NELL1: variants seen among roughly 807,000 people sequenced by gnomAD.
NELL1 encodes the protein protein kinase C-binding protein NELL1.
NELL1 carries 76 observed loss-of-function variants against 107.4 expected under a neutral mutation model. The ratio of observed to expected loss-of-function variants is 0.71; its 90% confidence interval spans 0.59 to 0.86. The LOEUF (loss-of-function observed/expected upper bound fraction) is 0.86, where lower values mean the gene tolerates loss of function less well. NELL1 is among the 40% of genes least tolerant of loss of function. NELL1 has a pLI of 0.00. For missense variants in NELL1, 1,024 were observed against 1,005.5 expected (o/e 1.02, Z -0.25); for synonymous variants, 353 against 341.2 (o/e 1.03, Z -0.38).
intron 2 of NELL1, among the ~76,000 whole-genome samples, chr11:20,737,612 A>G (rs973031411): frequency 6.6e-6 from 1 of 152,110 alleles, no homozygotes; most frequent in Non-Finnish European, 1.5e-5. Flanking sequence ...GTGCCTGCAG[A>G]GAGATTAGCA....
chr11:21,458,765 G>T (rs897182805), intron 15 of NELL1, among the ~76,000 whole-genome samples: 6 of 152,048 alleles, frequency 3.9e-5, no homozygotes, highest in Non-Finnish European at 8.8e-5. Flanking sequence ...GTGATCGAAG[G>T]GTTAGTTTTA....
At chr11:20,866,355 C>T (rs2134081590) in intron 4 of NELL1, among the ~76,000 whole-genome samples, 1 of 152,284 alleles carries the variant, frequency 6.6e-6, no homozygotes, top group Non-Finnish European at 1.5e-5. Flanking sequence ...CCCACAGGTC[C>T]AACTCATCTG....
intron 2 of NELL1, among the ~76,000 whole-genome samples, chr11:20,753,509 T>G (rs1856191187): frequency 6.6e-6 from 1 of 152,214 alleles, no homozygotes; most frequent in Non-Finnish European, 1.5e-5. Flanking sequence ...TTAATCACAT[T>G]TGAGTCTAGC....
At chr11:20,976,579 A>T (rs570551718) in intron 12 of NELL1, among the ~76,000 whole-genome samples, 1 of 152,234 alleles carries the variant, frequency 6.6e-6, no homozygotes, top group Non-Finnish European at 1.5e-5. Flanking sequence ...AACATTTTAC[A>T]TACCAGATAT....
Position 20,669,715 on chromosome 11 carries a change from T to A in NELL1, c.-9T>A, listed in dbSNP as rs780568210. 19 of 1,613,114 alleles carry A rather than the reference T, an allele frequency of 1.2e-5. No individual in the cohort carries two copies. The highest frequency in any genetic ancestry group is 1.6e-5 in the Non-Finnish European group (19 of 1,179,442). ...GGTGCCCCCTGCTAGGCGGGGACCC[T>A]CGAGAGCGATGCCGATGGATTTGAT... On this transcript the variant is annotated 5_prime_UTR_variant, in exon 1 of 20. Coordinates refer to ENST00000357134, the MANE Select transcript of NELL1 (RefSeq NM_006157.5). This position sits in a 1 kb window ranked among gnomAD's most constrained non-coding sequence, Gnocchi z 4.4.
chr11:21,489,391 A>AC, intron 15 of NELL1, among the ~76,000 whole-genome samples: 1 of 139,208 alleles, frequency 7.2e-6, no homozygotes, highest in African/African-American at 2.7e-5. Flanking sequence ...AAAAAAAAAA[A>AC]AAAAAAAAAA....
intron 15 of NELL1, among the ~76,000 whole-genome samples, chr11:21,442,966 T>G (rs917320453): frequency 2.6e-5 from 3 of 115,088 alleles, no homozygotes; most frequent in African/African-American, 7.2e-5. Context: ...TTTTTTTTTT[T>G]GCATTCATTC....
chr11:20,836,768 C>T (rs1457275497), intron 3 of NELL1, among the ~76,000 whole-genome samples: 4 of 151,442 alleles, frequency 2.6e-5, no homozygotes, highest in South Asian at 4.2e-4. Context: ...AAAAAGATAA[C>T]AAACAGATTA....
At chr11:20,730,488 A>G (rs759818114) in intron 2 of NELL1, among the ~76,000 whole-genome samples, 5 of 152,196 alleles carry the variant, frequency 3.3e-5, no homozygotes, top group Admixed American at 6.5e-5. Flanking sequence ...GAGAAAGCCA[A>G]TACCCAGAGA....
In NELL1 at chr11:21,169,882, A is replaced by T. The variant is rs1229861123; in HGVS notation, c.1426+56168A>T. 16 of 1,416,626 alleles carry T rather than the reference A, an allele frequency of 1.1e-5. No homozygotes were observed. In the South Asian group the frequency reaches 1.5e-4, roughly 13 times the overall value. 87.8% of individuals were successfully genotyped at this position (1,416,626 alleles called of 1,614,324 possible). On this transcript the variant is annotated intron_variant, in intron 13 of 19. Coordinates refer to ENST00000357134, the MANE Select transcript of NELL1 (RefSeq NM_006157.5). ...AGGAAGAGTTGCCATGTCACCCAGC[A>T]CTGGCAGATGTCCCCAGGTCGTCCA...
chr11:21,249,535 C>T (rs553912973), intron 14 of NELL1, among the ~76,000 whole-genome samples: 1 of 151,376 alleles, frequency 6.6e-6, no homozygotes, highest in African/African-American at 2.4e-5. Flanking sequence ...AACATTTTGT[C>T]TTTTTAAACT....
chr11:20,788,896 TTTTGA>T (rs1356060129), intron 3 of NELL1, among the ~76,000 whole-genome samples: 1 of 152,200 alleles, frequency 6.6e-6, no homozygotes, highest in Non-Finnish European at 1.5e-5. Context: ...CTTAGATGTA[TTTTGA>T]GTTAGTTTTT....
At chr11:21,341,381 T>C (rs12222505) in intron 14 of NELL1, among the ~76,000 whole-genome samples, 29,932 of 152,168 alleles carry the variant, frequency 0.2, 3,233 homozygotes, top group Middle Eastern at 0.32. Context: ...AGAGTTCATA[T>C]TTGGCGTATT....
intron 16 of NELL1, among the ~76,000 whole-genome samples, chr11:21,554,533 A>G (rs545826470): frequency 2.0e-5 from 3 of 151,854 alleles, no homozygotes; most frequent in Non-Finnish European, 4.4e-5. Context: ...ATTTGAGTAT[A>G]TTTGAGTATC....
chr11:20,774,723 G>A (rs1378991888), intron 2 of NELL1, among the ~76,000 whole-genome samples: 5 of 152,118 alleles, frequency 3.3e-5, no homozygotes, highest in Non-Finnish European at 5.9e-5. Context: ...ATAAATGAGC[G>A]GATGGGTGGT....
chr11:20,708,443 G>A (rs1212995184), intron 2 of NELL1, among the ~76,000 whole-genome samples: 1 of 152,114 alleles, frequency 6.6e-6, no homozygotes, highest in East Asian at 1.9e-4. Context: ...ACTGTGGACT[G>A]GAGCTCTTCC....
At chr11:20,985,472 C>G (rs543039412) in intron 12 of NELL1, among the ~76,000 whole-genome samples, 1 of 152,110 alleles carries the variant, frequency 6.6e-6, no homozygotes, top group Non-Finnish European at 1.5e-5. Flanking sequence ...ATGACTGCTG[C>G]TCTCAGCTTG....
chr11:20,780,857 A>G (rs952300351), intron 2 of NELL1, among the ~76,000 whole-genome samples: 2 of 152,086 alleles, frequency 1.3e-5, no homozygotes, highest in African/African-American at 4.8e-5. Context: ...GTGCTCCTCT[A>G]GTAACCAAGG....
intron 18 of NELL1, 40 bp from the exon 19 acceptor site, chr11:21,573,145 T>C: frequency 2.0e-6 from 3 of 1,492,998 alleles, no homozygotes; most frequent in Non-Finnish European, 2.8e-6. Context: ...AAATTATGCA[T>C]AGGAACAATA....
Sources: allele counts gnomAD v4.1 joint callset (sites outside exome capture counted in the v4.1 genomes callset), GRCh38; gene constraint gnomAD v4.1.1; non-coding constraint Gnocchi (gnomAD v3.1); transcripts MANE v1.5; gene names NCBI Gene and HGNC (gene_info 2026-07-23, HGNC 2026-07-21).